Variants in BAIAP2L1 observed in about 807,000 individuals in gnomAD.
The protein encoded by BAIAP2L1 is BAR/IMD domain containing adaptor protein 2 like 1, also known as BAR/IMD domain-containing adapter protein 2-like 1.
In BAIAP2L1, 35 loss-of-function variants were observed where a neutral mutation model predicts 66.3. The ratio of observed to expected loss-of-function variants is 0.53; its 90% CI spans 0.40 to 0.70. The LOEUF (loss-of-function observed/expected upper bound fraction) is 0.70, where lower values mean the gene tolerates loss of function less well. Ranked by LOEUF, BAIAP2L1 falls within the 30% of genes least tolerant of loss-of-function variation. BAIAP2L1 has a pLI of 0.00. For synonymous variants in BAIAP2L1, 269 were observed against 248.7 expected (o/e 1.08, Z -0.77); for missense variants, 622 against 656.9 (o/e 0.95, Z 0.58).
intron 12 of BAIAP2L1, among the ~76,000 whole-genome samples, chr7:98,297,512 C>T (rs917502650): frequency 1.3e-5 from 2 of 152,194 alleles, no homozygotes; most frequent in Non-Finnish European, 2.9e-5. Context: ...CCCTAAGGAA[C>T]ATTTCCAAGC....
intron 5 of BAIAP2L1, among the ~76,000 whole-genome samples, chr7:98,319,749 C>T (rs1416293395): frequency 6.6e-6 from 1 of 152,124 alleles, no homozygotes; most frequent in African/African-American, 2.4e-5. Flanking sequence ...TGGGGTTTCA[C>T]TATGTTGGCC....
At chr7:98,298,712 G>C (rs1052461335) in intron 12 of BAIAP2L1, among the ~76,000 whole-genome samples, 17 of 152,200 alleles carry the variant, frequency 1.1e-4, no homozygotes, top group Non-Finnish European at 2.4e-4. Context: ...TCATCAGCTG[G>C]TTTAGGCATT....
intron 3 of BAIAP2L1, among the ~76,000 whole-genome samples, chr7:98,338,671 T>C (rs953797657): frequency 1.3e-5 from 2 of 152,306 alleles, no homozygotes; most frequent in East Asian, 1.9e-4. Flanking sequence ...TTCTTTTTCG[T>C]GGGTAAATAA....
intron 12 of BAIAP2L1, among the ~76,000 whole-genome samples, chr7:98,303,300 G>C (rs1342479258): frequency 6.6e-6 from 1 of 152,120 alleles, no homozygotes; most frequent in Non-Finnish European, 1.5e-5. Flanking sequence ...CCGGACACAA[G>C]GTATAGGGGC....
intron 3 of BAIAP2L1, among the ~76,000 whole-genome samples, chr7:98,344,860 C>T (rs1316458859): frequency 6.6e-6 from 1 of 152,124 alleles, no homozygotes; most frequent in African/African-American, 2.4e-5. Context: ...CACTTGAACT[C>T]GGGAGGCGGA....
chr7:98,332,274 T>C (rs1801512551), intron 3 of BAIAP2L1, among the ~76,000 whole-genome samples: 1 of 146,510 alleles, frequency 6.8e-6, no homozygotes, highest in Non-Finnish European at 1.5e-5. Flanking sequence ...TCCCAGCTAC[T>C]CGGGAGGCTG....
chr7:98,393,020 C>T (rs745981800), intron 1 of BAIAP2L1, among the ~76,000 whole-genome samples: 4 of 110,408 alleles, frequency 3.6e-5, no homozygotes, highest in South Asian at 7.5e-4. Flanking sequence ...TATATATATA[C>T]ATACACACAT....
chr7:98,302,328 TCTCA>T (rs1215301476), intron 12 of BAIAP2L1, among the ~76,000 whole-genome samples: 60 of 152,210 alleles, frequency 3.9e-4, no homozygotes, highest in African/African-American at 1.4e-3. Context: ...GTGTCAGTGC[TCTCA>T]CTTACAATGC....
chr7:98,321,730 C>T (rs1801252926), intron 3 of BAIAP2L1, among the ~76,000 whole-genome samples: 1 of 152,132 alleles, frequency 6.6e-6, no homozygotes, highest in African/African-American at 2.4e-5. Flanking sequence ...CCACCGTTAC[C>T]ACCACCATCA....
At chr7:98,375,237 A>G (rs1039296519) in intron 1 of BAIAP2L1, among the ~76,000 whole-genome samples, 2 of 151,624 alleles carry the variant, frequency 1.3e-5, no homozygotes, top group Non-Finnish European at 2.9e-5. Context: ...TACTAAAAAT[A>G]ACAAAACTTA....
At chr7:98,374,649 G>A (rs1201882576) in intron 1 of BAIAP2L1, among the ~76,000 whole-genome samples, 1 of 151,842 alleles carries the variant, frequency 6.6e-6, no homozygotes, top group Non-Finnish European at 1.5e-5. Context: ...CTTTTTAGAA[G>A]CTTTCTTATA....
At chr7:98,396,189 C>A (rs1199874833) in intron 1 of BAIAP2L1, among the ~76,000 whole-genome samples, 1 of 152,080 alleles carries the variant, frequency 6.6e-6, no homozygotes, top group Non-Finnish European at 1.5e-5. Context: ...CCCACCTCAG[C>A]CTACTGAGGA....
intron 3 of BAIAP2L1, among the ~76,000 whole-genome samples, chr7:98,328,384 T>C (rs780508869): frequency 2.0e-5 from 3 of 152,204 alleles, no homozygotes; most frequent in Non-Finnish European, 4.4e-5. Context: ...GGCCTCTTAG[T>C]ACCTGTGCAT....
intron 12 of BAIAP2L1, among the ~76,000 whole-genome samples, chr7:98,299,398 TC>T (rs910849285): frequency 3.9e-5 from 6 of 152,126 alleles, no homozygotes; most frequent in African/African-American, 1.2e-4. Flanking sequence ...GCTCAAATGA[TC>T]CTCCCGCCTC....
chr7:98,335,867 G>T (rs1393457983), intron 3 of BAIAP2L1, among the ~76,000 whole-genome samples: 1 of 152,096 alleles, frequency 6.6e-6, no homozygotes, highest in Non-Finnish European at 1.5e-5. Flanking sequence ...TTACAGAAGG[G>T]CTTGTCCCAA....
chr7:98,370,147 G>A (rs994767788), intron 1 of BAIAP2L1, among the ~76,000 whole-genome samples: 1 of 151,914 alleles, frequency 6.6e-6, no homozygotes, highest in African/African-American at 2.4e-5. Flanking sequence ...TAGGCTGGGC[G>A]CAGTGGCTCA....
At chr7:98,298,440 A>G (rs556397156) in intron 12 of BAIAP2L1, among the ~76,000 whole-genome samples, 3 of 152,264 alleles carry the variant, frequency 2.0e-5, no homozygotes, top group Admixed American at 2.0e-4. Flanking sequence ...GTGAAACCCC[A>G]TCTCTAATAA....
intron 3 of BAIAP2L1, among the ~76,000 whole-genome samples, chr7:98,345,448 G>C (rs1477260293): frequency 6.6e-6 from 1 of 151,730 alleles, no homozygotes; most frequent in African/African-American, 2.4e-5. Flanking sequence ...AAGATGGCTG[G>C]GCACGGTGGC....
intron 3 of BAIAP2L1, among the ~76,000 whole-genome samples, chr7:98,328,417 T>C (rs1184604018): frequency 1.3e-5 from 2 of 152,180 alleles, no homozygotes; most frequent in Admixed American, 6.5e-5. Flanking sequence ...CCCTAACCTC[T>C]TTCTGCAGTA....
Sources: gnomAD v4.1 joint callset for allele counts (sites outside exome capture counted in the v4.1 genomes callset) on GRCh38, gnomAD v4.1.1 for gene constraint, MANE v1.5 for transcripts, NCBI Gene and HGNC (gene_info 2026-07-23, HGNC 2026-07-21) for gene names.